ROCK1: variants seen among roughly 807,000 people sequenced by gnomAD.
ROCK1 encodes Rho associated coiled-coil containing protein kinase 1, also known as rho-associated protein kinase 1.
A neutral mutation model predicts 196.8 loss-of-function variants in ROCK1; 36 were observed. That is an observed-to-expected ratio of 0.18 (90% confidence interval 0.14 to 0.24). ROCK1 has a LOEUF of 0.24. Ranked by LOEUF, ROCK1 falls within the 10% of genes least tolerant of loss-of-function variation. The pLI, the probability that ROCK1 is intolerant of heterozygous loss-of-function variation, is 1.00. For missense variants in ROCK1, 920 were observed against 1,562.0 expected (o/e 0.59, Z 6.93); for synonymous variants, 443 against 515.9 (o/e 0.86, Z 1.91).
intron 26 of ROCK1, 85 bp from the exon 27 acceptor site, chr18:20,967,161 T>G: frequency 1.1e-6 from 1 of 933,982 alleles, no homozygotes; most frequent in Non-Finnish European, 1.6e-6. Context: ...TTTAAATTGC[T>G]AATACTAAAA....
intron 1 of ROCK1, among the ~76,000 whole-genome samples, chr18:21,103,428 G>A (rs2036676410): frequency 6.6e-6 from 1 of 151,452 alleles, no homozygotes; most frequent in Admixed American, 6.6e-5. Flanking sequence ...AATAAACAAA[G>A]TCTCATAGAT....
At chr18:21,033,352 T>C (rs1228896834) in intron 9 of ROCK1, among the ~76,000 whole-genome samples, 2 of 152,128 alleles carry the variant, frequency 1.3e-5, no homozygotes, top group Non-Finnish European at 2.9e-5. Flanking sequence ...TAAAGGACAT[T>C]AATGAAAATC....
chr18:20,988,311 G>A (rs1247920023), intron 18 of ROCK1, among the ~76,000 whole-genome samples: 1 of 151,956 alleles, frequency 6.6e-6, no homozygotes, highest in Non-Finnish European at 1.5e-5. Flanking sequence ...CAAATAATCT[G>A]CCTGCCTTGC....
At position 20,959,786 on chromosome 18, in the gene ROCK1, A is replaced by G; in HGVS notation, c.3512+54T>C. On this transcript the variant is annotated intron_variant, in intron 29 of 32. Coordinates refer to ENST00000399799, the MANE Select transcript of ROCK1 (RefSeq NM_005406.3). ...TAAAATAAATTTTAAGTCTAAAAATAATTATCAAAAGTTAGCTCTCAACCC... is the reference window on the plus strand; with the variant it reads ...TAAAATAAATTTTAAGTCTAAAAATGATTATCAAAAGTTAGCTCTCAACCC... 3 of 899,460 alleles carry G rather than the reference A, an allele frequency of 3.3e-6. No individual in the cohort carries two copies. In the South Asian group the frequency reaches 5.7e-5, roughly 17 times the overall value. The allele number at this position is 899,460 out of a possible 1,614,324, so 55.7% of individuals were successfully genotyped here.
intron 13 of ROCK1, among the ~76,000 whole-genome samples, chr18:21,011,557 G>A (rs2035817341): frequency 6.6e-6 from 1 of 151,984 alleles, no homozygotes; most frequent in Non-Finnish European, 1.5e-5. Context: ...CTGGACTCAA[G>A]CGATCCTCCC....
chr18:20,977,364 G>A (rs1402411536), intron 22 of ROCK1, among the ~76,000 whole-genome samples: 1 of 152,138 alleles, frequency 6.6e-6, no homozygotes, highest in African/African-American at 2.4e-5. Context: ...TATCTGTCAC[G>A]AACTAACCAT....
At chr18:21,055,435 C>G (rs572098357) in intron 2 of ROCK1, among the ~76,000 whole-genome samples, 74 of 152,208 alleles carry the variant, frequency 4.9e-4, no homozygotes, top group Non-Finnish European at 3.8e-4. Flanking sequence ...TACCCTGAAA[C>G]GAACGAAACA....
intron 32 of ROCK1, among the ~76,000 whole-genome samples, chr18:20,953,019 T>C (rs2035205740): frequency 1.3e-5 from 2 of 152,066 alleles, no homozygotes; most frequent in African/African-American, 2.4e-5. Context: ...AAATACCTAA[T>C]GTAGATGATG....
At chr18:21,013,991 G>A (rs183168298) in intron 13 of ROCK1, among the ~76,000 whole-genome samples, 95 of 151,560 alleles carry the variant, frequency 6.3e-4, no homozygotes, top group African/African-American at 1.6e-3. Flanking sequence ...GCGTGAACCC[G>A]GGAGGCGGAG....
chr18:20,951,172 G>A lies in ROCK1; in HGVS notation c.*212C>T, dbSNP rs1440601764. On this transcript the variant is annotated 3_prime_UTR_variant, in exon 33 of 33. Coordinates refer to ENST00000399799, the MANE Select transcript of ROCK1 (RefSeq NM_005406.3). ...CCCCCAACTGTACTTGCATTACATA[G>A]TAATAATTAATCTAATCTACCTGTA... 2.4e-6 allele frequency: 1 copy of A among 423,546 alleles called. No individual in the cohort carries two copies. Among genetic ancestry groups the A allele is most frequent in the African/African-American group, 2.0e-5 (1 of 49,192 alleles). 26.2% of individuals were successfully genotyped at this position (423,546 alleles called of 1,614,324 possible).
chr18:21,082,215 C>T (rs1043871235), intron 1 of ROCK1, among the ~76,000 whole-genome samples: 1 of 152,034 alleles, frequency 6.6e-6, no homozygotes, highest in Non-Finnish European at 1.5e-5. Context: ...GCTGGGATTA[C>T]AGATTGTGAG....
chr18:20,971,305 T>TACACGCACAC (rs2035423920), intron 22 of ROCK1, among the ~76,000 whole-genome samples: 1 of 136,750 alleles, frequency 7.3e-6, no homozygotes, highest in Non-Finnish European at 1.6e-5. Flanking sequence ...ATAGTAAACA[T>TACACGCACAC]ACACACACAC....
At chr18:20,986,104 G>A (rs1482070602) in intron 19 of ROCK1, among the ~76,000 whole-genome samples, 2 of 152,068 alleles carry the variant, frequency 1.3e-5, no homozygotes, top group Non-Finnish European at 2.9e-5. Context: ...GTGCCCATCT[G>A]CCCACCTCAG....
intron 1 of ROCK1, among the ~76,000 whole-genome samples, chr18:21,099,771 A>G: frequency 6.6e-6 from 1 of 152,086 alleles, no homozygotes; most frequent in East Asian, 1.9e-4. Flanking sequence ...GCAGTGGCTC[A>G]TGCCTGTAAT....
rs186771412 is a variant in ROCK1 at position 21,103,586 on chromosome 18, G to A, written c.93+7232C>T. On this transcript the variant is annotated intron_variant, in intron 1 of 32. Coordinates refer to ENST00000399799, the MANE Select transcript of ROCK1 (RefSeq NM_005406.3). ...CGATCTTCCTACCTCAACCTCCCAAGTAGCTGAGACTACACCCAGGTAATA... is the reference window on the plus strand; with the variant it reads ...CGATCTTCCTACCTCAACCTCCCAAATAGCTGAGACTACACCCAGGTAATA... 4.2e-4 allele frequency among the ~76,000 whole-genome samples: 63 copies of A among 151,558 alleles called. 1 individual carries two copies. The highest frequency in any genetic ancestry group is 1.8e-3 in the Admixed American group (27 of 15,190).
intron 2 of ROCK1, among the ~76,000 whole-genome samples, chr18:21,055,781 C>T (rs2036241049): frequency 6.6e-6 from 1 of 152,192 alleles, no homozygotes; most frequent in Non-Finnish European, 1.5e-5. Flanking sequence ...CCCACTGCAG[C>T]AAAATTTCTC....
intron 12 of ROCK1, among the ~76,000 whole-genome samples, chr18:21,019,038 T>C (rs146341430): frequency 1.8e-4 from 28 of 152,336 alleles, no homozygotes; most frequent in African/African-American, 6.5e-4. Context: ...TCTGAGTTAC[T>C]GCTCTGGTGA....
intron 16 of ROCK1, among the ~76,000 whole-genome samples, chr18:20,997,223 C>T (rs901761735): frequency 6.6e-6 from 1 of 151,922 alleles, no homozygotes. Flanking sequence ...CTGTTGACTA[C>T]AAGAAACACA....
At chr18:20,973,728 T>A (rs566260340) in intron 22 of ROCK1, among the ~76,000 whole-genome samples, 3 of 152,210 alleles carry the variant, frequency 2.0e-5, no homozygotes, top group South Asian at 2.1e-4. Flanking sequence ...ACCAAGATAA[T>A]GAGTAGCCTT....
Sources: gnomAD v4.1 joint callset for allele counts (sites outside exome capture counted in the v4.1 genomes callset) on GRCh38, gnomAD v4.1.1 for gene constraint, MANE v1.5 for transcripts, NCBI Gene and HGNC (gene_info 2026-07-23, HGNC 2026-07-21) for gene names.